Variants in INPP4B observed in about 807,000 individuals in gnomAD.
INPP4B encodes the protein inositol polyphosphate 4-phosphatase type II.
A neutral mutation model predicts 122.5 loss-of-function variants in INPP4B; 55 were observed. The observed-to-expected ratio is 0.45, with a 90% CI of 0.36 to 0.56. The LOEUF is 0.56. Ranked by LOEUF, INPP4B falls within the 20% of genes least tolerant of loss-of-function variation. The pLI, the probability that INPP4B is intolerant of heterozygous loss-of-function variation, is 0.00. For missense variants in INPP4B, 1,000 were observed against 1,097.7 expected (o/e 0.91, Z 1.26); for synonymous variants, 403 against 388.7 (o/e 1.04, Z -0.43).
chr4:142,173,880 C>T (rs948058347), intron 15 of INPP4B, 71 bp from the exon 16 acceptor site: 3 of 1,215,234 alleles, frequency 2.5e-6, no homozygotes. Context: ...TATCAGATGG[C>T]AAATGATAAA....
chr4:142,677,688 T>C (rs569915443), intron 2 of INPP4B, among the ~76,000 whole-genome samples: 21 of 152,284 alleles, frequency 1.4e-4, no homozygotes, highest in Middle Eastern at 3.4e-3. Context: ...TCATGTCTTT[T>C]GCAGGGACAT....
At chr4:142,260,417 G>C in intron 11 of INPP4B, 75 bp downstream of exon 11, 3 of 890,734 alleles carry the variant, frequency 3.4e-6, no homozygotes. Context: ...TGAGAATGCT[G>C]GTTCAGTGTT....
At chr4:142,721,843 C>T (rs1194274483) in intron 2 of INPP4B, among the ~76,000 whole-genome samples, 3 of 151,942 alleles carry the variant, frequency 2.0e-5, no homozygotes, top group Non-Finnish European at 4.4e-5. Flanking sequence ...GTCATAAAAG[C>T]ATAGTAGGTT....
At chr4:142,093,413 G>C (rs970137249) in intron 23 of INPP4B, among the ~76,000 whole-genome samples, 4 of 152,122 alleles carry the variant, frequency 2.6e-5, no homozygotes, top group Non-Finnish European at 5.9e-5. Context: ...CAGTAAACTT[G>C]AGGTAGCTTG....
At chr4:142,143,768 T>C (rs150420585) in intron 18 of INPP4B, among the ~76,000 whole-genome samples, 212 of 152,198 alleles carry the variant, frequency 1.4e-3, no homozygotes, top group African/African-American at 4.9e-3. Flanking sequence ...ATATGTTAAT[T>C]ACAGCACTAT....
chr4:142,319,058 C>T (rs912752078), intron 7 of INPP4B, among the ~76,000 whole-genome samples: 3 of 152,136 alleles, frequency 2.0e-5, no homozygotes, highest in African/African-American at 4.8e-5. Context: ...GAAAATCAGG[C>T]AATGGGGCTG....
At chr4:142,366,664 G>C (rs992442851) in intron 7 of INPP4B, among the ~76,000 whole-genome samples, 6 of 152,086 alleles carry the variant, frequency 3.9e-5, no homozygotes, top group Non-Finnish European at 8.8e-5. Flanking sequence ...ACTGAACAAA[G>C]ATTTTCTTAC....
chr4:142,764,058 A>G (rs1056434306), intron 1 of INPP4B, among the ~76,000 whole-genome samples: 2 of 151,816 alleles, frequency 1.3e-5, no homozygotes, highest in African/African-American at 4.8e-5. Context: ...TTTTATTAAT[A>G]ATTTATGAGA....
chr4:142,260,650 T>C, intron 10 of INPP4B, 86 bp from the exon 11 acceptor site: 1 of 862,676 alleles, frequency 1.2e-6, no homozygotes, highest in Middle Eastern at 2.6e-4. Flanking sequence ...AACATAAGGC[T>C]ATGTACATGG....
intron 7 of INPP4B, among the ~76,000 whole-genome samples, chr4:142,390,462 T>C (rs1291427323): frequency 1.3e-5 from 2 of 152,172 alleles, no homozygotes; most frequent in Non-Finnish European, 2.9e-5. Context: ...TCAAGTGTTT[T>C]AAACCTTTAA....
intron 11 of INPP4B, among the ~76,000 whole-genome samples, chr4:142,239,184 T>C (rs952588493): frequency 6.6e-6 from 1 of 152,108 alleles, no homozygotes; most frequent in African/African-American, 2.4e-5. Flanking sequence ...TCTGCAATCA[T>C]CCATTCTCAA....
intron 1 of INPP4B, among the ~76,000 whole-genome samples, chr4:142,764,437 T>C (rs72935935): frequency 0.03 from 4,614 of 152,154 alleles, 215 homozygotes; most frequent in African/African-American, 0.11. Context: ...AGCACCATAC[T>C]GGGCTGACAT....
intron 2 of INPP4B, among the ~76,000 whole-genome samples, chr4:142,650,050 G>T (rs983476239): frequency 6.6e-6 from 1 of 152,146 alleles, no homozygotes; most frequent in Non-Finnish European, 1.5e-5. Flanking sequence ...GAATAGAGTG[G>T]GGGCTAATAT....
intron 2 of INPP4B, among the ~76,000 whole-genome samples, chr4:142,490,401 G>T (rs527242411): frequency 1.3e-5 from 2 of 151,904 alleles, no homozygotes; most frequent in East Asian, 1.9e-4. Flanking sequence ...CTGTATGCCT[G>T]GTCTATTGTA....
chr4:142,573,593 A>G (rs1733278694), intron 2 of INPP4B, among the ~76,000 whole-genome samples: 1 of 152,004 alleles, frequency 6.6e-6, no homozygotes, highest in Non-Finnish European at 1.5e-5. Flanking sequence ...TCAGCTTCCC[A>G]CCCTCAAATT....
chr4:142,435,545 A>T (rs1247813820), intron 3 of INPP4B, among the ~76,000 whole-genome samples: 2 of 152,008 alleles, frequency 1.3e-5, no homozygotes, highest in Non-Finnish European at 2.9e-5. Context: ...ATCTAAAAGA[A>T]GCAAAAGAGC....
Position 142,276,897 on chromosome 4 carries a change from TAA to T in INPP4B, c.504-6125_504-6124del, listed in dbSNP as rs374471234. Among the ~76,000 whole-genome samples the T allele has an allele frequency of 4.7e-3, 718 of 152,084 alleles. 8 individuals carry two copies. The highest frequency in any genetic ancestry group is 0.017 in the African/African-American group (690 of 41,538). On this transcript the variant is annotated intron_variant, in intron 9 of 25. Coordinates refer to ENST00000262992, the MANE Select transcript of INPP4B (RefSeq NM_001101669.3). ...TTTGGAAACATTTCAATGCTAAATG[TAA>T]AATATAAACCAGCTCTAGCTCCTTG...
intron 2 of INPP4B, among the ~76,000 whole-genome samples, chr4:142,583,775 A>G (rs1735600650): frequency 1.3e-5 from 2 of 152,188 alleles, no homozygotes; most frequent in South Asian, 4.1e-4. Flanking sequence ...TGGCTTATAA[A>G]GTAACTTTCA....
chr4:142,168,268 TTCCCTC>T (rs1823837261), intron 16 of INPP4B, among the ~76,000 whole-genome samples: 1 of 151,570 alleles, frequency 6.6e-6, no homozygotes, highest in South Asian at 2.1e-4. Context: ...ATTTTTATGC[TTCCCTC>T]TCTCCCTTTT....
Sources: gnomAD v4.1 joint callset for allele counts (sites outside exome capture counted in the v4.1 genomes callset) on GRCh38, gnomAD v4.1.1 for gene constraint, MANE v1.5 for transcripts, NCBI Gene and HGNC (gene_info 2026-07-23, HGNC 2026-07-21) for gene names.